KLF11: variants seen among roughly 807,000 people sequenced by gnomAD.
The protein encoded by KLF11 is KLF transcription factor 11, also known as Krueppel-like factor 11.
KLF11 carries 26 observed loss-of-function variants against 29.9 expected under a neutral mutation model. The ratio of observed to expected loss-of-function variants is 0.87; its 90% confidence interval spans 0.64 to 1.21. KLF11 has a LOEUF of 1.21. Ranked by LOEUF, KLF11 falls within the 50% of genes most tolerant of loss-of-function variation. The probability of loss-of-function intolerance (pLI) is 0.00; values close to 1 mark genes in which losing one functional copy is unlikely to be tolerated. For synonymous variants in KLF11, 318 were observed against 257.4 expected, an observed-to-expected ratio of 1.24 and a Z score of -2.25; for missense variants, 778 against 665.7, an observed-to-expected ratio of 1.17 and a Z score of -1.86.
chr2:10,046,521 A>G (rs571943207), intron 2 of KLF11, 102 bp downstream of exon 2: 9 of 1,314,110 alleles, frequency 6.8e-6, no homozygotes, highest in Admixed American at 3.6e-5. Flanking sequence ...GATGCTGGCA[A>G]ATAAGTTGCG....
chr2:10,044,217 G>C (rs999154279), intron 1 of KLF11: 2 of 893,456 alleles, frequency 2.2e-6, no homozygotes, highest in Non-Finnish European at 2.6e-6. Context: ...CGGTAGTGCC[G>C]CTCGGGCCTG....
rs1253151288 is a variant in KLF11 at position 10,052,398 on chromosome 2, TGAC to T, written c.1434_1436del (p.Thr479del). The T allele has an allele frequency of 3.7e-6, 6 of 1,614,086 alleles. No homozygotes were observed. The highest frequency in any genetic ancestry group is 2.2e-5 in the South Asian group (2 of 91,076). On this transcript the variant is annotated inframe_deletion, in exon 4 of 4. Transcript: ENST00000305883. ...CTGACGAAGCATGCCCGGCGCCACA[TGAC>T]GACCAAGAAGATCCCAGGCTGGCAG...
intron 1 of KLF11, 45 bp from the exon 2 acceptor site, chr2:10,046,105 G>A: frequency 6.2e-7 from 1 of 1,612,084 alleles, no homozygotes; most frequent in African/African-American, 1.3e-5. Context: ...GGTGGCCTCT[G>A]TATTTCCCCT....
chr2:10,048,071 A>G lies in KLF11; in HGVS notation c.734A>G (p.Asp245Gly). 6.2e-7 allele frequency: 1 copy of G among 1,614,170 alleles called. No homozygotes were observed. Among genetic ancestry groups the G allele is most frequent in the Non-Finnish European group, 8.5e-7 (1 of 1,180,028 alleles). ...AAGTCTGGTGGCCTGCTGCTCACTG[A>G]CAAAGGCCAGCAGGCAGGGTGGCCT... Reference protein sequence around the residue: ...LHKSGGLLLTDKGQQAGWPGA... With the variant: ...LHKSGGLLLTGKGQQAGWPGA... The change falls in exon 3 of 4, where the codon GAC becomes GGC. Residue 245 changes from aspartate (D) to glycine (G), a missense_variant. Asp to Gly is a moderately conservative substitution (Grantham distance 94). Transcript: ENST00000305883.
Position 10,043,568 on chromosome 2 carries a change from G to C in KLF11, c.-149G>C. ...CTCCCGCGCCGCGAGGGCCGCGCCG[G>C]GGCAGAGCCGCGCGGGCGGGCGAGG... On this transcript the variant is annotated 5_prime_UTR_variant, in exon 1 of 4. Transcript: ENST00000305883. 5.4e-6 allele frequency: 2 copies of C among 373,626 alleles called. No homozygotes were observed. The highest frequency in any genetic ancestry group is 7.3e-6 in the Non-Finnish European group (2 of 273,998). The allele number at this position is 373,626 out of a possible 1,614,324, so 23.1% of individuals were successfully genotyped here.
chr2:10,052,187 C>T lies in KLF11; in HGVS notation c.1259-40C>T, dbSNP rs773688642. The T allele has an allele frequency of 1.0e-4, 160 of 1,595,686 alleles. 3 individuals are homozygous for T. The South Asian group carries it at 1.5e-3, about 15-fold the overall frequency. On this transcript the variant is annotated intron_variant, in intron 3 of 3. Transcript: ENST00000305883. The stretch of plus-strand genomic sequence containing the variant: ...TTAACCCCTTGAATAAGGTGCTTAG[C>T]GTTTCCTTTCTCTTTAATATGTATT...
rs141348120 is a variant in KLF11, at chr2:10,049,698, C to T, written c.1258+1103C>T. Among the ~76,000 whole-genome samples, 187 of 152,324 alleles carry T rather than the reference C, an allele frequency of 1.2e-3. 2 individuals carry two copies. The highest frequency in any genetic ancestry group is 4.2e-3 in the African/African-American group (176 of 41,562). On this transcript the variant is annotated intron_variant, in intron 3 of 3. Transcript: ENST00000305883. ...AGTTATTAGATTGTTTCTTTATCTT[C>T]CTTCTTTGACCCTAGTGGTTTATTG...
At chr2:10,050,078 T>C (rs1013707174) in intron 3 of KLF11, among the ~76,000 whole-genome samples, 1 of 152,236 alleles carries the variant, frequency 6.6e-6, no homozygotes, top group Non-Finnish European at 1.5e-5. Context: ...CTGCAGTGAT[T>C]GAAACAAGTT....
chr2:10,049,434 G>T (rs1434934392), intron 3 of KLF11, among the ~76,000 whole-genome samples: 1 of 152,180 alleles, frequency 6.6e-6, no homozygotes, highest in Non-Finnish European at 1.5e-5. Flanking sequence ...TAGCCTCCAC[G>T]TGTAGAATAA....
chr2:10,046,631 C>A (rs1164476262), intron 2 of KLF11, among the ~76,000 whole-genome samples: 1 of 152,172 alleles, frequency 6.6e-6, no homozygotes, highest in Non-Finnish European at 1.5e-5. Context: ...GCCAGGCAGG[C>A]AGATCACAAG....
Position 10,043,724 on chromosome 2 carries a change from C to G in KLF11, c.8C>G (p.Thr3Arg). Residue 3 changes from threonine to arginine, a missense_variant, in exon 1 of 4, where the codon ACG becomes AGG. By Grantham distance (71) the Thr-to-Arg change is moderately conservative. Coordinates refer to ENST00000305883, the MANE Select transcript of KLF11 (RefSeq NM_003597.5). MHTPDFAGPDDAR... is the reference protein window; with the variant it reads MHRPDFAGPDDAR... ...TCCCGGCCGGCCTGCACGATGCACA[C>G]GCCGGACTTCGCAGGCCCAGACGAC... The G allele has an allele frequency of 2.2e-6, 3 of 1,377,212 alleles. No individual in the cohort carries two copies. The highest frequency in any genetic ancestry group is 2.9e-6 in the Non-Finnish European group (3 of 1,050,346). 85.3% of individuals were successfully genotyped at this position (1,377,212 alleles called of 1,614,324 possible).
intron 3 of KLF11, 41 bp downstream of exon 3, chr2:10,048,636 CTGTGGT>C: frequency 6.8e-7 from 1 of 1,479,830 alleles, no homozygotes; most frequent in Non-Finnish European, 9.3e-7. Flanking sequence ...ACACCAGACC[CTGTGGT>C]TAGGAAGCAC....
At position 10,046,133 on chromosome 2, in the gene KLF11, T is replaced by C. The variant is rs771775881; in HGVS notation, c.43-17T>C. On this transcript the variant is annotated splice_polypyrimidine_tract_variant and intron_variant, in intron 1 of 3. Coordinates refer to ENST00000305883, the MANE Select transcript of KLF11 (RefSeq NM_003597.5). ...TTTCCCCTGCACTGAGAAGCCGTTG[T>C]GTTGTGTCGCCTTTAGGTTGACATC... The C allele has an allele frequency of 6.2e-7, 1 of 1,613,096 alleles. No individual in the cohort carries two copies.
intron 1 of KLF11, among the ~76,000 whole-genome samples, chr2:10,045,313 T>C (rs1661157402): frequency 6.7e-6 from 1 of 149,794 alleles, no homozygotes. Context: ...CCAGCTACTC[T>C]GGAGGCTGAG....
intron 1 of KLF11, chr2:10,044,200 C>T (rs1355747472): frequency 6.8e-5 from 62 of 906,050 alleles, no homozygotes; most frequent in Non-Finnish European, 7.9e-5. Context: ...GGGTTAAGAG[C>T]GGCTAGCGGT....
intron 3 of KLF11, 106 bp from the exon 4 acceptor site, chr2:10,052,121 T>G (rs1362102736): frequency 8.3e-7 from 1 of 1,198,600 alleles, no homozygotes. Flanking sequence ...AGATACCACT[T>G]TCTTCTGAGT....
Position 10,043,715 on chromosome 2 carries a change from C to T in KLF11, c.-2C>T. 1.5e-6 allele frequency: 2 copies of T among 1,364,326 alleles called. No homozygotes were observed. Among genetic ancestry groups the T allele is most frequent in the South Asian group, 1.3e-5 (1 of 77,852 alleles). 84.5% of individuals were successfully genotyped at this position (1,364,326 alleles called of 1,614,324 possible). ...CTTTGTTGCTCCCGGCCGGCCTGCA[C>T]GATGCACACGCCGGACTTCGCAGGC... On this transcript the variant is annotated 5_prime_UTR_variant, in exon 1 of 4. In the 5' UTR this introduces an upstream ATG that the reference lacks. Coordinates refer to ENST00000305883, the MANE Select transcript of KLF11 (RefSeq NM_003597.5).
At chr2:10,045,341 AC>A (rs1333573573) in intron 1 of KLF11, among the ~76,000 whole-genome samples, 2 of 151,688 alleles carry the variant, frequency 1.3e-5, no homozygotes, top group Non-Finnish European at 2.9e-5. Flanking sequence ...AATCGCTTGA[AC>A]CCGGGAGGTC....
rs1459843687 is a variant in KLF11, at chr2:10,054,734, T to C, written c.*2227T>C. On this transcript the variant is annotated 3_prime_UTR_variant, in exon 4 of 4. Coordinates refer to ENST00000305883, the MANE Select transcript of KLF11 (RefSeq NM_003597.5). ...GTAGTTTGAATGATAAGACTTAAAATGTTTCATAATTATGTTTTATGTAAC... is the reference window on the plus strand; with the variant it reads ...GTAGTTTGAATGATAAGACTTAAAACGTTTCATAATTATGTTTTATGTAAC... The C allele has an allele frequency of 2.6e-5, 4 of 152,680 alleles. No individual in the cohort carries two copies. Among genetic ancestry groups the C allele is most frequent in the Non-Finnish European group, 4.4e-5 (3 of 68,050 alleles). The allele number at this position is 152,680 out of a possible 1,614,324, so 9.5% of individuals were successfully genotyped here. A position where few individuals can be genotyped will look rare whatever the true frequency, so the allele number is the denominator to read the frequency against.
Sources: allele counts gnomAD v4.1 joint callset (sites outside exome capture counted in the v4.1 genomes callset), GRCh38; gene constraint gnomAD v4.1.1; transcripts MANE v1.5; gene names NCBI Gene and HGNC (gene_info 2026-07-23, HGNC 2026-07-21).